NOTCH1: variants seen among roughly 807,000 people sequenced by gnomAD.
NOTCH1 encodes notch receptor 1.
Under a neutral mutation model 254.8 loss-of-function variants are expected in NOTCH1, and 37 were observed. The ratio of observed to expected loss-of-function variants is 0.15; its 90% CI spans 0.11 to 0.19. The LOEUF is 0.19. Among genes scored for constraint, NOTCH1 ranks in the 10% least tolerant of loss-of-function variants. The probability of loss-of-function intolerance (pLI) is 1.00; values close to 1 mark genes in which losing one functional copy is unlikely to be tolerated. For missense variants in NOTCH1, 2,972 were observed against 3,708.6 expected, an observed-to-expected ratio of 0.80 and a Z score of 5.16; for synonymous variants, 1,731 against 1,618.1, an observed-to-expected ratio of 1.07 and a Z score of -1.68.
At chr9:136,525,815 C>T (rs1012730564) in intron 2 of NOTCH1, among the ~76,000 whole-genome samples, 3 of 152,238 alleles carry the variant, frequency 2.0e-5, no homozygotes, top group African/African-American at 2.4e-5. Context: ...CAGCCAGCCA[C>T]GCCCCTGTCC....
At chr9:136,532,857 C>T (rs989827279) in intron 2 of NOTCH1, among the ~76,000 whole-genome samples, 2 of 152,214 alleles carry the variant, frequency 1.3e-5, no homozygotes, top group African/African-American at 4.8e-5. Context: ...GGGAAGGTCT[C>T]GTGGGGGTGG....
chr9:136,524,645 T>TC (rs886348715), intron 2 of NOTCH1, among the ~76,000 whole-genome samples: 5 of 145,898 alleles, frequency 3.4e-5, no homozygotes, highest in African/African-American at 1.3e-4. Context: ...TTTTCTTTTT[T>TC]TTTTTTTTTT....
At chr9:136,541,366 G>A (rs928487439) in intron 2 of NOTCH1, among the ~76,000 whole-genome samples, 1 of 152,232 alleles carries the variant, frequency 6.6e-6, no homozygotes, top group African/African-American at 2.4e-5. Flanking sequence ...CAGTACTAGT[G>A]AGCCAGGCAC....
Position 136,506,750 on chromosome 9 carries a change from A to G in NOTCH1, c.3867T>C (p.Asn1289=), listed in dbSNP as rs2133343259. ...RGTQNCVQRV[N]DFHCECRAGH... ...CAGCACGGCACTCGCAGTGGAAGTC[A>G]TTGACGCGCTGCACGCAGTTCTGGG... is the stretch of plus-strand genomic sequence containing the variant. The change falls in exon 23 of 34, where the codon AAT becomes AAC. Residue 1289 remains asparagine, a synonymous_variant. Transcript: ENST00000651671. This position sits in a 1 kb window ranked among gnomAD's most constrained non-coding sequence, Gnocchi z 4.5. 1.9e-6 allele frequency: 3 copies of G among 1,604,228 alleles called. No homozygotes were observed. Among genetic ancestry groups the G allele is most frequent in the Non-Finnish European group, 2.6e-6 (3 of 1,176,090 alleles).
chr9:136,518,425 C>A, intron 6 of NOTCH1, 133 bp from the exon 7 acceptor site: 1 of 1,299,208 alleles, frequency 7.7e-7, no homozygotes, highest in Non-Finnish European at 1.1e-6. Flanking sequence ...TCCCGTGACA[C>A]TTGGGACGTT....
rs1162402352 is a variant in NOTCH1 at position 136,496,879 on chromosome 9, C to T, written c.6860G>A (p.Gly2287Asp). ...PVASGTSTVL[G>D]SSSGGALNFT... The stretch of plus-strand genomic sequence containing the variant: ...ATTCAGGGCCCCTCCGCTGCTGGAG[C>T]CCAGGACGGTGCTGGTGCCAGAGGC... The change falls in exon 34 of 34, where the codon GGC (glycine) becomes GAC (aspartate). Residue 2287 changes from glycine to aspartate, a missense_variant. Gly to Asp is a moderately conservative substitution (Grantham distance 94). Around this residue, in one of 8 missense-constraint regions of NOTCH1, gnomAD observed 529 missense variants for 529.2 expected, o/e 1.00. Coordinates refer to ENST00000651671, the MANE Select transcript of NOTCH1 (RefSeq NM_017617.5). 1 of 1,612,794 alleles carries T rather than the reference C, an allele frequency of 6.2e-7. No homozygotes were observed. Among genetic ancestry groups the T allele is most frequent in the African/African-American group, 1.3e-5 (1 of 74,934 alleles).
intron 2 of NOTCH1, among the ~76,000 whole-genome samples, chr9:136,539,221 A>G (rs1228726982): frequency 1.3e-5 from 2 of 152,126 alleles, no homozygotes; most frequent in Non-Finnish European, 2.9e-5. Flanking sequence ...TTTTCAATGG[A>G]AAACATGTTG....
rs375169528 is a variant in NOTCH1 at position 136,519,612 on chromosome 9, G to A, written c.743-47C>T. On this transcript the variant is annotated intron_variant, in intron 4 of 33. Coordinates refer to ENST00000651671, the MANE Select transcript of NOTCH1 (RefSeq NM_017617.5). The stretch of plus-strand genomic sequence containing the variant: ...CAGCCTCTTCCCTGAGGTCCAGTCC[G>A]GCTCCTGCCTGGACCCCCGACACAC... The A allele has an allele frequency of 3.8e-5, 61 of 1,611,702 alleles. No homozygotes were observed. In the South Asian group the frequency reaches 5.6e-4, roughly 15 times the overall value.
chr9:136,507,210 GT>G, intron 22 of NOTCH1, 94 bp downstream of exon 22: 1 of 1,595,530 alleles, frequency 6.3e-7, no homozygotes, highest in Admixed American at 1.7e-5. Flanking sequence ...TTTCTGGCTG[GT>G]TCCTGGATGC....
intron 2 of NOTCH1, among the ~76,000 whole-genome samples, chr9:136,533,466 C>A (rs1843594500): frequency 6.6e-6 from 1 of 152,280 alleles, no homozygotes; most frequent in South Asian, 2.1e-4. Flanking sequence ...CGCGGCCCTG[C>A]TGTGCGGCAC....
At chr9:136,503,724 C>G (rs1379754517) in intron 26 of NOTCH1, among the ~76,000 whole-genome samples, 1 of 152,156 alleles carries the variant, frequency 6.6e-6, no homozygotes, top group Non-Finnish European at 1.5e-5. Context: ...GTGGGTGCAG[C>G]GGTGGTGGGC....
In NOTCH1 at chr9:136,518,296, G is replaced by C; in HGVS notation, c.1100-4C>G. The C allele has an allele frequency of 6.2e-7, 1 of 1,608,472 alleles. No homozygotes were observed. The highest frequency in any genetic ancestry group is 8.5e-7 in the Non-Finnish European group (1 of 1,178,624). On this transcript the variant is annotated splice_region_variant and splice_polypyrimidine_tract_variant and intron_variant, in intron 6 of 33. Coordinates refer to ENST00000651671, the MANE Select transcript of NOTCH1 (RefSeq NM_017617.5). ...TCGTTGAGGTGGCACAGCAGACCTG[G>C]GCAGGCAGCGGCGGTCAGTGGGCAC...
rs747532352 is a variant in NOTCH1, at chr9:136,536,762, G to GC, written c.140+7261dup. 2.2e-3 allele frequency among the ~76,000 whole-genome samples: 337 copies of GC among 152,358 alleles called. 2 individuals are homozygous for GC. Among genetic ancestry groups the GC allele is most frequent in the Non-Finnish European group, 4.0e-3 (270 of 68,024 alleles). The stretch of plus-strand genomic sequence containing the variant: ...GTGACTACCCCTAGCTTGTGGCCAA[G>GC]CCCGTCCATCCTGTGGCCTGGTTCT... On this transcript the variant is annotated intron_variant, in intron 2 of 33. Coordinates refer to ENST00000651671, the MANE Select transcript of NOTCH1 (RefSeq NM_017617.5).
Position 136,515,354 on chromosome 9 carries a change from G to A in NOTCH1, c.1950C>T (p.Cys650=), listed in dbSNP as rs147086700. ...INLDDCASSP[C]DSGTCLDKID... is the part of the protein sequence containing the mutation. ...TCTTGTCCAGACAGGTGCCCGAGTCGCAGGGGCTGCTGGCACAGTCATCCA... is the reference window on the plus strand; with the variant it reads ...TCTTGTCCAGACAGGTGCCCGAGTCACAGGGGCTGCTGGCACAGTCATCCA... Residue 650 remains cysteine, a synonymous_variant, in exon 12 of 34, where the codon TGC becomes TGT. Coordinates refer to ENST00000651671, the MANE Select transcript of NOTCH1 (RefSeq NM_017617.5). 7.8e-5 allele frequency: 126 copies of A among 1,612,940 alleles called. No homozygotes were observed. In the African/African-American group the frequency reaches 8.3e-4, roughly 11 times the overall value.
chr9:136,524,691 G>A (rs1843432744), intron 2 of NOTCH1, among the ~76,000 whole-genome samples: 1 of 145,086 alleles, frequency 6.9e-6, no homozygotes, highest in Non-Finnish European at 1.5e-5. Context: ...AGGCTGGAGT[G>A]CAGGGGCGCG....
chr9:136,520,525 G>C (rs1156479857), intron 4 of NOTCH1, among the ~76,000 whole-genome samples: 2 of 152,108 alleles, frequency 1.3e-5, no homozygotes, highest in Non-Finnish European at 2.9e-5. Flanking sequence ...CTTGCGCCCA[G>C]GAGTTCAAGA....
In NOTCH1 at chr9:136,543,231, C is replaced by T. The variant is rs528761849; in HGVS notation, c.140+793G>A. 7.8e-4 allele frequency: 140 copies of T among 178,722 alleles called. 1 individual carries two copies. Among genetic ancestry groups the T allele is most frequent in the Middle Eastern group, 2.6e-3 (1 of 386 alleles). The allele number at this position is 178,722 out of a possible 1,614,324, so 11.1% of individuals were successfully genotyped here. A position where few individuals can be genotyped will look rare whatever the true frequency, so the allele number is the denominator to read the frequency against. ...TTCCTTTGAAGAGGCATCACCCACC[C>T]GGAGGTGGCATCACCTGCCCAGGAA... On this transcript the variant is annotated intron_variant, in intron 2 of 33. Coordinates refer to ENST00000651671, the MANE Select transcript of NOTCH1 (RefSeq NM_017617.5).
intron 2 of NOTCH1, among the ~76,000 whole-genome samples, chr9:136,532,862 G>A (rs1843584103): frequency 6.6e-6 from 1 of 152,188 alleles, no homozygotes; most frequent in Non-Finnish European, 1.5e-5. Context: ...GGTCTCGTGG[G>A]GGTGGCCGGC....
Position 136,513,169 on chromosome 9 carries a change from C to T in NOTCH1, c.2354-35G>A, listed in dbSNP as rs1843210712. On this transcript the variant is annotated intron_variant, in intron 14 of 33. Transcript: ENST00000651671. The surrounding 1 kb of genome is among the most constrained non-coding windows in gnomAD (Gnocchi z 4.7). Reference sequence around the variant, plus strand: ...AGGGGACAGCACTCGGCATGTCCAGCACTCCCAGGCACCTTGGCAGGGCCC... The same window carrying T: ...AGGGGACAGCACTCGGCATGTCCAGTACTCCCAGGCACCTTGGCAGGGCCC... 8.4e-6 allele frequency: 13 copies of T among 1,555,056 alleles called. No individual in the cohort carries two copies. The East Asian group carries it at 1.8e-4, about 21-fold the overall frequency.
Sources: allele counts gnomAD v4.1 joint callset (sites outside exome capture counted in the v4.1 genomes callset), GRCh38; gene constraint gnomAD v4.1.1; regional missense constraint gnomAD v4.1.1; non-coding constraint Gnocchi (gnomAD v3.1); transcripts MANE v1.5; gene names NCBI Gene and HGNC (gene_info 2026-07-23, HGNC 2026-07-21).